COPB1: variants seen among roughly 807,000 people sequenced by gnomAD.
The protein encoded by COPB1 is coatomer subunit beta.
A neutral mutation model predicts 108.7 loss-of-function variants in COPB1; 21 were observed. The observed-to-expected ratio is 0.19, with a 90% CI of 0.14 to 0.28. The LOEUF (loss-of-function observed/expected upper bound fraction) is 0.28. Ranked by LOEUF, COPB1 falls within the 10% of genes least tolerant of loss-of-function variation. The pLI, the probability that COPB1 is intolerant of heterozygous loss-of-function variation, is 1.00. For synonymous variants in COPB1, 378 were observed against 386.8 expected (o/e 0.98, Z 0.27); for missense variants, 919 against 1,141.3 (o/e 0.81, Z 2.81).
intron 1 of COPB1, 129 bp downstream of exon 1, chr11:14,499,578 C>G (rs1288395976): frequency 1.4e-5 from 2 of 144,990 alleles, no homozygotes; most frequent in Non-Finnish European, 3.0e-5. Flanking sequence ...TCCGCCCCCA[C>G]CCCGACCCGC....
At chr11:14,487,491 A>G (rs1565022326) in intron 6 of COPB1, among the ~76,000 whole-genome samples, 2 of 152,110 alleles carry the variant, frequency 1.3e-5, no homozygotes, top group Non-Finnish European at 2.9e-5. Context: ...CCTGGCCAAC[A>G]TGGTGAAACC....
Position 14,466,337 on chromosome 11 carries a change from A to C in COPB1, c.2235T>G (p.Val745=), listed in dbSNP as rs1468113585. Residue 745 remains valine, a synonymous_variant, in exon 17 of 22, where the codon GTT becomes GTG. Transcript: ENST00000439561. ...GCAAAGTATCACTGGTTTGGTTCAC[A>C]ACAAGTACATCCAGGACAATATCAT... ...NQYDIVLDVL[V]VNQTSDTLQN... is the part of the protein sequence containing the mutation. 1 of 1,613,720 alleles carries C rather than the reference A, an allele frequency of 6.2e-7. No individual in the cohort carries two copies. Among genetic ancestry groups the C allele is most frequent in the South Asian group, 1.1e-5 (1 of 91,074 alleles).
At chr11:14,459,449 C>T (rs1428359625) in intron 20 of COPB1, among the ~76,000 whole-genome samples, 1 of 151,962 alleles carries the variant, frequency 6.6e-6, no homozygotes, top group Admixed American at 6.6e-5. Context: ...TTCCTTAGAG[C>T]TCCAGCTTCA....
Position 14,457,769 on chromosome 11 carries a change from C to T in COPB1, c.*55G>A, listed in dbSNP as rs372384010. 4 of 1,087,722 alleles carry T rather than the reference C, an allele frequency of 3.7e-6. No individual in the cohort carries two copies. The highest frequency in any genetic ancestry group is 5.7e-6 in the Non-Finnish European group (4 of 705,954). The allele number at this position is 1,087,722 out of a possible 1,614,324, so 67.4% of individuals were successfully genotyped here. A position where few individuals can be genotyped will look rare whatever the true frequency, so the allele number is the denominator to read the frequency against. On this transcript the variant is annotated 3_prime_UTR_variant, in exon 22 of 22. Coordinates refer to ENST00000439561, the MANE Select transcript of COPB1 (RefSeq NM_001144061.2). The stretch of plus-strand genomic sequence containing the variant: ...GAAAGAGTACAAAAGATGTTGGAGT[C>T]CAGTAAGCCCATACCTAAATTAACT...
At chr11:14,484,522 A>C (rs1199917317) in intron 7 of COPB1, among the ~76,000 whole-genome samples, 1 of 152,160 alleles carries the variant, frequency 6.6e-6, no homozygotes, top group African/African-American at 2.4e-5. Context: ...GATCGAGACC[A>C]TTCTGGCCAA....
intron 18 of COPB1, among the ~76,000 whole-genome samples, chr11:14,464,463 A>T (rs972927029): frequency 3.3e-5 from 5 of 152,210 alleles, no homozygotes; most frequent in Non-Finnish European, 7.4e-5. Flanking sequence ...GCAACAAAAT[A>T]AGCTTACTGA....
Position 14,484,556 on chromosome 11 carries a change from G to A in COPB1, c.838-1405C>T, listed in dbSNP as rs376502544. ...AACATGGTGAAACCCTGTCTCTACC[G>A]AAAATACAAAAATTAGCTGGGTGTG... is the stretch of plus-strand genomic sequence containing the variant. On this transcript the variant is annotated intron_variant, in intron 7 of 21. Coordinates refer to ENST00000439561, the MANE Select transcript of COPB1 (RefSeq NM_001144061.2). Among the ~76,000 whole-genome samples the A allele has an allele frequency of 1.7e-3, 264 of 151,998 alleles. 11 individuals are homozygous for A. In the South Asian group the frequency reaches 0.051, roughly 29 times the overall value.
chr11:14,479,824 G>A, intron 10 of COPB1, 110 bp from the exon 11 acceptor site: 1 of 1,125,024 alleles, frequency 8.9e-7, no homozygotes, highest in Non-Finnish European at 1.2e-6. Flanking sequence ...TTTTCTAAGA[G>A]ACAGGGTCTT....
At chr11:14,477,455 G>A (rs934630817) in intron 11 of COPB1, among the ~76,000 whole-genome samples, 2 of 150,240 alleles carry the variant, frequency 1.3e-5, no homozygotes, top group African/African-American at 4.9e-5. Context: ...ACATTCGGAG[G>A]CTGAGGCCAG....
At chr11:14,465,073 ACAC>A in intron 17 of COPB1, 43 bp from the exon 18 acceptor site, 1 of 1,051,230 alleles carries the variant, frequency 9.5e-7, no homozygotes, top group Non-Finnish European at 1.2e-6. Flanking sequence ...ACACACACAC[ACAC>A]ACACACACAC....
At chr11:14,495,188 A>G (rs1444074715) in intron 2 of COPB1, among the ~76,000 whole-genome samples, 1 of 152,248 alleles carries the variant, frequency 6.6e-6, no homozygotes, top group Non-Finnish European at 1.5e-5. Flanking sequence ...ATCATTGCAT[A>G]CTGAAGAATT....
At chr11:14,487,665 ACT>A (rs1291208556) in intron 6 of COPB1, among the ~76,000 whole-genome samples, 3 of 151,452 alleles carry the variant, frequency 2.0e-5, no homozygotes, top group African/African-American at 7.3e-5. Context: ...ATAGAGTGAG[ACT>A]CTGCCCAAAA....
At chr11:14,486,344 G>GC (rs1279502673) in intron 7 of COPB1, 23 bp downstream of exon 7, 2 of 1,612,710 alleles carry the variant, frequency 1.2e-6, no homozygotes, top group East Asian at 4.5e-5. Context: ...ATCTAATCTG[G>GC]CCCCAAAAGA....
In COPB1 at chr11:14,468,724, T is replaced by C; in HGVS notation, c.2102A>G (p.Gln701Arg). The change falls in exon 16 of 22, where the codon CAG (glutamine) becomes CGG (arginine). Residue 701 changes from glutamine to arginine, a missense_variant. Physicochemically the swap from Gln to Arg is conservative, Grantham distance 43. Transcript: ENST00000439561. ...TAGGGGATCTGCTGCCTCTTTCCTCTGTGTGTTACCCATTGCTGCCAGTAA... is the reference window on the plus strand; with the variant it reads ...TAGGGGATCTGCTGCCTCTTTCCTCCGTGTGTTACCCATTGCTGCCAGTAA... ...LSLLAAMGNT[Q>R]RKEAADPLAS... The C allele has an allele frequency of 1.2e-6, 2 of 1,614,172 alleles. No homozygotes were observed. Among genetic ancestry groups the C allele is most frequent in the Non-Finnish European group, 1.7e-6 (2 of 1,179,998 alleles).
At chr11:14,480,314 G>C (rs925275417) in intron 10 of COPB1, among the ~76,000 whole-genome samples, 1 of 152,124 alleles carries the variant, frequency 6.6e-6, no homozygotes, top group African/African-American at 2.4e-5. Flanking sequence ...ATTTTAGAGA[G>C]AACTCAAGAG....
intron 14 of COPB1, among the ~76,000 whole-genome samples, chr11:14,471,197 A>G (rs1441551630): frequency 6.6e-6 from 1 of 152,212 alleles, no homozygotes; most frequent in Admixed American, 6.5e-5. Flanking sequence ...CAAAAGATGT[A>G]TGATACCAGA....
chr11:14,462,062 CA>C (rs1205529623), intron 18 of COPB1, among the ~76,000 whole-genome samples: 1 of 151,474 alleles, frequency 6.6e-6, no homozygotes, highest in African/African-American at 2.4e-5. Flanking sequence ...TAGACACAAC[CA>C]TTTTTTTTTT....
intron 16 of COPB1, among the ~76,000 whole-genome samples, chr11:14,467,743 T>C (rs1850314786): frequency 6.6e-6 from 1 of 152,224 alleles, no homozygotes; most frequent in South Asian, 2.1e-4. Flanking sequence ...TGCTATGACA[T>C]GAATGAATCT....
intron 2 of COPB1, among the ~76,000 whole-genome samples, chr11:14,495,084 C>T (rs1850987425): frequency 6.6e-6 from 1 of 152,162 alleles, no homozygotes; most frequent in African/African-American, 2.4e-5. Flanking sequence ...AAGGATGACA[C>T]ATTAAAGATA....
Sources: gnomAD v4.1 joint callset for allele counts (sites outside exome capture counted in the v4.1 genomes callset) on GRCh38, gnomAD v4.1.1 for gene constraint, MANE v1.5 for transcripts, NCBI Gene and HGNC (gene_info 2026-07-23, HGNC 2026-07-21) for gene names.